The following C16orf96 variants were observed in gnomAD, a reference collection of about 807,000 sequenced individuals.
C16orf96 encodes the protein uncharacterized protein C16orf96.
A neutral mutation model predicts 103.6 loss-of-function variants in C16orf96; 108 were observed. That is an observed-to-expected ratio of 1.04 (90% CI 0.89 to 1.22). C16orf96 has a LOEUF of 1.22. Among genes scored for constraint, C16orf96 ranks in the 50% most tolerant of loss-of-function variants. The pLI, the probability that C16orf96 is intolerant of heterozygous loss-of-function variation, is 0.00. For missense variants in C16orf96, 1,586 were observed against 1,464.2 expected, an observed-to-expected ratio of 1.08 and a Z score of -1.36; for synonymous variants, 566 against 593.5, an observed-to-expected ratio of 0.95 and a Z score of 0.67.
intron 1 of C16orf96, among the ~76,000 whole-genome samples, chr16:4,558,851 CT>C (rs1400297798): frequency 7.0e-6 from 1 of 143,460 alleles, no homozygotes; most frequent in African/African-American, 2.6e-5. Flanking sequence ...GGAGGCGGAA[CT>C]TGCAGTGAGC....
At position 4,575,349 on chromosome 16, in the gene C16orf96, C is replaced by G. The variant is rs907078563; in HGVS notation, c.869C>G (p.Pro290Arg). The change falls in exon 5 of 16, where the codon CCG becomes CGG. Residue 290 changes from proline to arginine, a missense_variant. Coordinates refer to ENST00000444310, the MANE Select transcript of C16orf96 (RefSeq NM_001145011.2). ...CATTATGAGGTCCCAGAGCTCCTCC[C>G]GGAGGGCTCATCTGCCCAAGCAGTT... Reference protein sequence around the residue: ...VWHYEVPELLPEGSSAQAVSL... With the variant: ...VWHYEVPELLREGSSAQAVSL... 4 of 1,551,220 alleles carry G rather than the reference C, an allele frequency of 2.6e-6. No homozygotes were observed. Among genetic ancestry groups the G allele is most frequent in the African/African-American group, 1.4e-5 (1 of 73,174 alleles).
Position 4,576,617 on chromosome 16 carries a change from C to T in C16orf96, c.2137C>T (p.Gln713Ter). The part of the protein sequence containing the change: ...EFAQLSCNLN[Q>*]RLSYLANMGG... The stretch of plus-strand genomic sequence containing the variant: ...TGCCCAGCTGTCCTGTAACCTGAAC[C>T]AGCGCTTGAGTTATCTAGGTAGGCC... The change falls in exon 5 of 16, where the codon CAG becomes TAG. Residue 713 changes from glutamine (Q) to a stop codon, truncating the protein, a stop_gained. Coordinates refer to ENST00000444310, the MANE Select transcript of C16orf96 (RefSeq NM_001145011.2). LOFTEE classifies it high-confidence loss of function. 1 of 1,551,158 alleles carries T rather than the reference C, an allele frequency of 6.4e-7. No individual in the cohort carries two copies. Among genetic ancestry groups the T allele is most frequent in the South Asian group, 1.2e-5 (1 of 83,968 alleles).
In C16orf96 at chr16:4,600,428, A is replaced by G; in HGVS notation, c.*111A>G. Reference sequence around the variant, plus strand: ...CCCTCCACATCGGAGGCTGAGGCCTATGTGGCCCCCCACCCCCACCCCCAC... The same window carrying G: ...CCCTCCACATCGGAGGCTGAGGCCTGTGTGGCCCCCCACCCCCACCCCCAC... On this transcript the variant is annotated 3_prime_UTR_variant, in exon 16 of 16. Transcript: ENST00000444310. The G allele has an allele frequency of 1.5e-6, 1 of 685,372 alleles. No individual in the cohort carries two copies. The highest frequency in any genetic ancestry group is 2.4e-6 in the Non-Finnish European group (1 of 424,834). 42.5% of individuals were successfully genotyped at this position (685,372 alleles called of 1,614,324 possible).
chr16:4,578,969 A>T lies in C16orf96; in HGVS notation c.2185A>T (p.Thr729Ser). 1 of 1,551,318 alleles carries T rather than the reference A, an allele frequency of 6.4e-7. No individual in the cohort carries two copies. Among genetic ancestry groups the T allele is most frequent in the Non-Finnish European group, 8.7e-7 (1 of 1,146,876 alleles). ...ANMGGPSSLGTTVDILQKKIG... is the reference protein window; with the variant it reads ...ANMGGPSSLGSTVDILQKKIG... ...TATGGGAGGTCCTTCCAGCCTCGGG[A>T]CAACAGTGGACATATTGCAGAAAAA... is the stretch of plus-strand genomic sequence containing the variant. Residue 729 changes from threonine (T) to serine (S), a missense_variant, in exon 6 of 16, where the codon ACA becomes TCA. Thr to Ser is a moderately conservative substitution (Grantham distance 58). Transcript: ENST00000444310.
At chr16:4,558,158 C>T (rs1326404574) in intron 1 of C16orf96, among the ~76,000 whole-genome samples, 3 of 152,246 alleles carry the variant, frequency 2.0e-5, no homozygotes, top group Non-Finnish European at 4.4e-5. Context: ...AACTGACGCT[C>T]AGAGGAGCTC....
intron 1 of C16orf96, chr16:4,563,036 T>C: frequency 1.1e-6 from 1 of 936,004 alleles, no homozygotes; most frequent in East Asian, 2.5e-5. Context: ...TGCTCCTCTG[T>C]CAGAAGATGA....
intron 6 of C16orf96, 141 bp from the exon 7 acceptor site, chr16:4,579,874 G>T: frequency 3.1e-6 from 2 of 645,684 alleles, no homozygotes; most frequent in East Asian, 3.2e-5. Context: ...GCCTCCCAAA[G>T]TGCTGGGATT....
In C16orf96 at chr16:4,593,311, G is replaced by A. The variant is rs1472651100; in HGVS notation, c.2862G>A (p.Gln954=). ...GCTGCGAGTACTTGCAGCGGCAACA[G>A]ATGAGGTGAGCAGGATGGGCGCCCC... is the stretch of plus-strand genomic sequence containing the variant. The part of the protein sequence containing the change: ...ANSCEYLQRQ[Q]MREQQWLQLQ... Residue 954 remains glutamine (Q), a synonymous_variant, in exon 12 of 16, where the codon CAG becomes CAA. Transcript: ENST00000444310. This position sits in a 1 kb window ranked among gnomAD's most constrained non-coding sequence, Gnocchi z 4.2. The A allele has an allele frequency of 6.4e-7, 1 of 1,550,688 alleles. No individual in the cohort carries two copies. The highest frequency in any genetic ancestry group is 2.0e-5 in the Admixed American group (1 of 50,992).
At chr16:4,559,758 T>C (rs1022603093) in intron 1 of C16orf96, among the ~76,000 whole-genome samples, 5 of 152,184 alleles carry the variant, frequency 3.3e-5, no homozygotes, top group Admixed American at 2.0e-4. Context: ...TCCCCTTTAC[T>C]TCTCCTCCCT....
At chr16:4,561,409 A>T (rs1377585388) in intron 1 of C16orf96, 3 of 152,276 alleles carry the variant, frequency 2.0e-5, no homozygotes, top group African/African-American at 7.2e-5. Flanking sequence ...AATTGTTACT[A>T]GAGACAGGGC....
rs975896413 is a variant in C16orf96 at position 4,600,282 on chromosome 16, G to T, written c.3391G>T (p.Gly1131Cys). 6.4e-7 allele frequency: 1 copy of T among 1,550,882 alleles called. No homozygotes were observed. The highest frequency in any genetic ancestry group is 8.7e-7 in the Non-Finnish European group (1 of 1,146,900). The change falls in exon 16 of 16, where the codon GGC (glycine) becomes TGC (cysteine). Residue 1131 changes from glycine to cysteine, a missense_variant. By Grantham distance (159) the Gly-to-Cys change is radical. Transcript: ENST00000444310. The stretch of plus-strand genomic sequence containing the variant: ...AGCTCCACACATTGAGTCCCGAGTC[G>T]GCAGGAAGCCCCCCGAGGAGCCCGC... ...SRAPHIESRVGRKPPEEPANP is the reference protein window; with the variant it reads ...SRAPHIESRVCRKPPEEPANP
At position 4,600,019 on chromosome 16, in the gene C16orf96, T is replaced by C. The variant is rs956609455; in HGVS notation, c.3209-81T>C. ...TCTAGTCCTGGGCTTCTCTTCTCTT[T>C]AGTGGGGATGGCCCCATCAGGCTAG... On this transcript the variant is annotated intron_variant, in intron 15 of 15. Coordinates refer to ENST00000444310, the MANE Select transcript of C16orf96 (RefSeq NM_001145011.2). 8.3e-6 allele frequency: 11 copies of C among 1,331,814 alleles called. No homozygotes were observed. The African/African-American group carries it at 1.6e-4, about 19-fold the overall frequency. The allele number at this position is 1,331,814 out of a possible 1,614,324, so 82.5% of individuals were successfully genotyped here. A position where few individuals can be genotyped will look rare whatever the true frequency, so the allele number is the denominator to read the frequency against.
At chr16:4,540,985 C>A in the C16orf96 span, among the ~76,000 whole-genome samples, 3 of 148,430 alleles carry the variant, frequency 2.0e-5, no homozygotes, top group African/African-American at 7.4e-5. Flanking sequence ...TCGATCTCGG[C>A]TCACTGCAAC....
intron 1 of C16orf96, among the ~76,000 whole-genome samples, chr16:4,558,449 A>G (rs1379591318): frequency 1.3e-5 from 2 of 152,056 alleles, no homozygotes; most frequent in African/African-American, 4.8e-5. Context: ...CCTCATCTCT[A>G]TAAAAAAATG....
intron 12 of C16orf96, 35 bp from the exon 13 acceptor site, chr16:4,594,316 C>G: frequency 6.5e-7 from 1 of 1,546,204 alleles, no homozygotes; most frequent in Non-Finnish European, 8.7e-7. Context: ...GGTACAGGGT[C>G]TCCAGGTCGC....
At position 4,571,583 on chromosome 16, in the gene C16orf96, T is replaced by A; in HGVS notation, c.443T>A (p.Leu148Ter). 6.4e-7 allele frequency: 1 copy of A among 1,552,294 alleles called. No homozygotes were observed. Among genetic ancestry groups the A allele is most frequent in the Non-Finnish European group, 8.7e-7 (1 of 1,147,074 alleles). The change falls in exon 2 of 16, where the codon TTG becomes TAG. Residue 148 changes from leucine (L) to a stop codon, truncating the protein, a stop_gained. Transcript: ENST00000444310. LOFTEE classifies it high-confidence loss of function. ...MAKSMQTLQD[L>*]LTDLHALQVT... ...CAGTCAATGCAGACCCTGCAGGACT[T>A]GCTCACTGATCTTCATGCACTCCAG...
intron 7 of C16orf96, among the ~76,000 whole-genome samples, chr16:4,582,162 A>G (rs1247264917): frequency 2.0e-5 from 3 of 151,896 alleles, no homozygotes; most frequent in Admixed American, 2.0e-4. Flanking sequence ...GATGCCTGTA[A>G]TCCCAGCTAC....
Position 4,576,017 on chromosome 16 carries a change from G to C in C16orf96, c.1537G>C (p.Gly513Arg), listed in dbSNP as rs2059502293. The C allele has an allele frequency of 6.4e-7, 1 of 1,551,146 alleles. No homozygotes were observed. The change falls in exon 5 of 16, where the codon GGT becomes CGT. Residue 513 changes from glycine to arginine, a missense_variant. Transcript: ENST00000444310. The part of the protein sequence containing the change: ...AHKDDVPKDR[G>R]GKDVDPKDRA... ...CAAGGATGATGTCCCCAAAGATAGA[G>C]GTGGCAAGGATGTGGACCCCAAGGA...
At chr16:4,582,793 G>A (rs1458997639) in intron 7 of C16orf96, among the ~76,000 whole-genome samples, 1 of 152,184 alleles carries the variant, frequency 6.6e-6, no homozygotes, top group African/African-American at 2.4e-5. Context: ...ATGGGGGTGA[G>A]CAGGGGCTGC....
Sources: gnomAD v4.1 joint callset for allele counts (sites outside exome capture counted in the v4.1 genomes callset) on GRCh38, gnomAD v4.1.1 for gene constraint, Gnocchi (gnomAD v3.1) non-coding constraint, MANE v1.5 for transcripts, NCBI Gene and HGNC (gene_info 2026-07-23, HGNC 2026-07-21) for gene names.